Variants in ZFP1 observed in about 807,000 individuals in gnomAD.
The protein encoded by ZFP1 is ZFP1 zinc finger protein, also known as zinc finger protein 1 homolog.
In ZFP1, 32 loss-of-function variants were observed where a neutral mutation model predicts 38.5. That is an observed-to-expected ratio of 0.83 (90% confidence interval 0.63 to 1.12). The LOEUF (loss-of-function observed/expected upper bound fraction) is 1.12, where lower values mean the gene tolerates loss of function less well. ZFP1 is among the 50% of genes most tolerant of loss of function. The pLI, the probability that ZFP1 is intolerant of heterozygous loss-of-function variation, is 0.00. For missense variants in ZFP1, 616 were observed against 480.8 expected, an observed-to-expected ratio of 1.28 and a Z score of -2.63; for synonymous variants, 245 against 168.8, an observed-to-expected ratio of 1.45 and a Z score of -3.50.
At chr16:75,129,142 A>C in the ZFP1 span, among the ~76,000 whole-genome samples, 2 of 152,128 alleles carry the variant, frequency 1.3e-5, no homozygotes, top group Non-Finnish European at 2.9e-5. Flanking sequence ...AATGTGGCCT[A>C]TATCAATTTT....
At chr16:75,120,515 T>G in the ZFP1 span, among the ~76,000 whole-genome samples, 49 of 151,906 alleles carry the variant, frequency 3.2e-4, no homozygotes, top group South Asian at 1.2e-3. Flanking sequence ...GGTTTTTTTT[T>G]GGGTTTTTTT....
At chr16:75,152,799 A>T in intron 1 of ZFP1, 110 bp from the exon 2 acceptor site, 1 of 928,068 alleles carries the variant, frequency 1.1e-6, no homozygotes, top group Non-Finnish European at 1.6e-6. Flanking sequence ...CTTTCCCAGG[A>T]GGTGGTATTT....
chr16:75,127,546 C>A, the ZFP1 span, among the ~76,000 whole-genome samples: 2 of 152,108 alleles, frequency 1.3e-5, no homozygotes, highest in Non-Finnish European at 2.9e-5. Flanking sequence ...GTCTTGAACT[C>A]CTGGCCTCAA....
intron 2 of ZFP1, among the ~76,000 whole-genome samples, chr16:75,160,474 C>T (rs1233957008): frequency 6.6e-6 from 1 of 151,850 alleles, no homozygotes; most frequent in Admixed American, 6.6e-5. Flanking sequence ...CTAACCCCAT[C>T]TGTACTAAAC....
chr16:75,152,938 C>G lies in ZFP1; in HGVS notation c.-14C>G. 1 of 1,613,450 alleles carries G rather than the reference C, an allele frequency of 6.2e-7. No homozygotes were observed. Among genetic ancestry groups the G allele is most frequent in the Non-Finnish European group, 8.5e-7 (1 of 1,179,716 alleles). The stretch of plus-strand genomic sequence containing the variant: ...GCCTTCATAGTTCTCTGCCTTTGCC[C>G]AAAACTGCAGAAAATGAACAAATCC... On this transcript the variant is annotated 5_prime_UTR_variant, in exon 2 of 4. Coordinates refer to ENST00000570010, the MANE Select transcript of ZFP1 (RefSeq NM_153688.4).
chr16:75,168,296 G>C (rs754611411), intron 3 of ZFP1, among the ~76,000 whole-genome samples: 1 of 152,108 alleles, frequency 6.6e-6, no homozygotes, highest in Non-Finnish European at 1.5e-5. Flanking sequence ...TCTGTTGTTT[G>C]ACTTAATGAA....
At chr16:75,144,722 T>C (rs961044867), upstream of ZFP1, among the ~76,000 whole-genome samples, 3 of 152,240 alleles carry the variant, frequency 2.0e-5, no homozygotes, top group East Asian at 5.8e-4. Flanking sequence ...TTCCAGTCCC[T>C]GGTAACTCTG....
chr16:75,168,558 G>A (rs891695757), intron 3 of ZFP1, among the ~76,000 whole-genome samples: 1 of 140,712 alleles, frequency 7.1e-6, no homozygotes, highest in Non-Finnish European at 1.6e-5. Flanking sequence ...AAAAAAAAAA[G>A]CAATAAAACC....
At chr16:75,164,498 C>T (rs764853410) in intron 2 of ZFP1, among the ~76,000 whole-genome samples, 16 of 152,044 alleles carry the variant, frequency 1.1e-4, no homozygotes, top group Non-Finnish European at 2.4e-4. Context: ...ATATGTTTTG[C>T]TGGTTTGCTG....
the ZFP1 span, among the ~76,000 whole-genome samples, chr16:75,129,754 G>T: frequency 4.6e-5 from 7 of 152,166 alleles, no homozygotes; most frequent in Admixed American, 6.5e-5. Context: ...GCTGTGTCAT[G>T]GGCATGTGTC....
intron 2 of ZFP1, among the ~76,000 whole-genome samples, chr16:75,161,843 A>G (rs1204514887): frequency 2.4e-5 from 3 of 124,868 alleles, no homozygotes; most frequent in Non-Finnish European, 1.6e-5. Context: ...GGAATGCAGT[A>G]GCACGATCTA....
intron 3 of ZFP1, among the ~76,000 whole-genome samples, chr16:75,167,455 C>CTTTCCTAACATATCTTAA (rs2038157621): frequency 6.6e-6 from 1 of 151,486 alleles, no homozygotes; most frequent in Non-Finnish European, 1.5e-5. Flanking sequence ...AACCCTGAAA[C>CTTTCCTAACATATCTTAA]TTTCCTAACA....
chr16:75,170,321 G>T lies in ZFP1; in HGVS notation c.1211G>T (p.Gly404Val). The change falls in exon 4 of 4, where the codon GGG (glycine) becomes GTG (valine). Residue 404 changes from glycine (G) to valine (V), a missense_variant. Coordinates refer to ENST00000570010, the MANE Select transcript of ZFP1 (RefSeq NM_153688.4). ...RLSVHQRVHIGEKP is the reference protein window; with the variant it reads ...RLSVHQRVHIVEKP ...AGTGTCCATCAGAGAGTTCACATCG[G>T]GGAGAAACCCTGAAACTCCAGCCAG... is the stretch of plus-strand genomic sequence containing the variant. 6.3e-7 allele frequency: 1 copy of T among 1,577,228 alleles called. No homozygotes were observed. The highest frequency in any genetic ancestry group is 8.6e-7 in the Non-Finnish European group (1 of 1,161,170).
chr16:75,172,187 G>T lies in ZFP1; in HGVS notation c.*1853G>T, dbSNP rs919464255. ...GAAAGCAAGAGGGGAGAGAGAGAGT[G>T]TATGTGTGTGTGTAGCAGTTTTTAT... On this transcript the variant is annotated 3_prime_UTR_variant, in exon 4 of 4. Transcript: ENST00000570010. 1 of 152,198 alleles carries T rather than the reference G, an allele frequency of 6.6e-6. No homozygotes were observed. Among genetic ancestry groups the T allele is most frequent in the African/African-American group, 2.4e-5 (1 of 41,440 alleles). 9.4% of individuals were successfully genotyped at this position (152,198 alleles called of 1,614,324 possible).
chr16:75,163,412 A>G (rs767502765), intron 2 of ZFP1, among the ~76,000 whole-genome samples: 2 of 151,588 alleles, frequency 1.3e-5, no homozygotes, highest in Non-Finnish European at 2.9e-5. Context: ...CCCGGGTTCA[A>G]GCAATTCTCC....
At chr16:75,146,757 G>T (rs1400874212), upstream of ZFP1, among the ~76,000 whole-genome samples, 2 of 151,958 alleles carry the variant, frequency 1.3e-5, no homozygotes, top group Non-Finnish European at 2.9e-5. Context: ...TGGGCAACAT[G>T]GCAAAATGCC....
intron 2 of ZFP1, among the ~76,000 whole-genome samples, chr16:75,160,335 C>G (rs2145542451): frequency 6.6e-6 from 1 of 152,040 alleles, no homozygotes; most frequent in Non-Finnish European, 1.5e-5. Context: ...GAGTTTGAGA[C>G]CAGTCTTGCC....
In ZFP1 at chr16:75,166,830, G is replaced by C; in HGVS notation, c.76G>C (p.Asp26His). 6.2e-7 allele frequency: 1 copy of C among 1,614,148 alleles called. No homozygotes were observed. The highest frequency in any genetic ancestry group is 8.5e-7 in the Non-Finnish European group (1 of 1,180,028). The stretch of plus-strand genomic sequence containing the variant: ...TACCCAGGAGGAATGGGAACAACTG[G>C]ACCCCTCTCAGAGGATCCTATACAT... Reference protein sequence around the residue: ...DFTQEEWEQLDPSQRILYMDV... With the variant: ...DFTQEEWEQLHPSQRILYMDV... The change falls in exon 3 of 4, where the codon GAC becomes CAC. Residue 26 changes from aspartate (D) to histidine (H), a missense_variant. Physicochemically the swap from Asp to His is moderately conservative, Grantham distance 81. Transcript: ENST00000570010.
At chr16:75,158,779 C>A (rs767999489) in intron 2 of ZFP1, among the ~76,000 whole-genome samples, 11 of 151,548 alleles carry the variant, frequency 7.3e-5, no homozygotes, top group African/African-American at 2.7e-4. Context: ...TAACTGACCA[C>A]CTCTTTAATA....
Sources: gnomAD v4.1 joint callset for allele counts (sites outside exome capture counted in the v4.1 genomes callset) on GRCh38, gnomAD v4.1.1 for gene constraint, MANE v1.5 for transcripts, NCBI Gene and HGNC (gene_info 2026-07-23, HGNC 2026-07-21) for gene names.